PCDHGA12: variants seen among roughly 807,000 people sequenced by gnomAD.
The protein encoded by PCDHGA12 is protocadherin gamma subfamily A, 12.
Under a neutral mutation model 61.1 loss-of-function variants are expected in PCDHGA12, and 43 were observed. The observed-to-expected ratio is 0.70, with a 90% CI of 0.55 to 0.91. The LOEUF (loss-of-function observed/expected upper bound fraction) is 0.91, where lower values mean the gene tolerates loss of function less well. PCDHGA12 is among the 40% of genes least tolerant of loss of function. PCDHGA12 has a pLI of 0.00. For missense variants in PCDHGA12, 1,236 were observed against 1,227.7 expected, an observed-to-expected ratio of 1.01 and a Z score of -0.10; for synonymous variants, 520 against 542.9, an observed-to-expected ratio of 0.96 and a Z score of 0.59.
In PCDHGA12 at chr5:141,486,748, T is replaced by C; in HGVS notation, c.2425-8059T>C. ...TTCATGCTACTCGATCCTTTGACTA[T>C]GAGCAAACCCAGACACTGCAGTTTG... is the stretch of plus-strand genomic sequence containing the variant. On this transcript the variant is annotated intron_variant, in intron 1 of 3. Coordinates refer to ENST00000252085, the MANE Select transcript of PCDHGA12 (RefSeq NM_003735.3). The surrounding 1 kb of genome is among the most constrained non-coding windows in gnomAD (Gnocchi z 5.0). 6.2e-7 allele frequency: 1 copy of C among 1,614,230 alleles called. No individual in the cohort carries two copies. The highest frequency in any genetic ancestry group is 8.5e-7 in the Non-Finnish European group (1 of 1,180,042).
chr5:141,468,801 A>G (rs949203275), intron 1 of PCDHGA12, among the ~76,000 whole-genome samples: 15 of 151,736 alleles, frequency 9.9e-5, no homozygotes, highest in South Asian at 2.1e-4. Context: ...GGGAGGCGGA[A>G]CTTGCAGTGA....
At chr5:141,504,570 AC>A (rs1468526948) in intron 2 of PCDHGA12, among the ~76,000 whole-genome samples, 1 of 148,874 alleles carries the variant, frequency 6.7e-6, no homozygotes, top group Admixed American at 6.9e-5. Flanking sequence ...ATTCTAGGGA[AC>A]ACCATCTGCC....
intron 1 of PCDHGA12, among the ~76,000 whole-genome samples, chr5:141,473,267 C>G (rs1458810488): frequency 1.3e-5 from 2 of 152,248 alleles, no homozygotes; most frequent in African/African-American, 2.4e-5. Flanking sequence ...TTAGTGTATG[C>G]TATGATTATT....
At chr5:141,471,504 G>A (rs1487198851) in intron 1 of PCDHGA12, 1 of 152,214 alleles carries the variant, frequency 6.6e-6, no homozygotes, top group Non-Finnish European at 1.5e-5. Flanking sequence ...ATGCAAGAGA[G>A]GGAGTAAAAA....
At position 141,486,720 on chromosome 5, in the gene PCDHGA12, C is replaced by G; in HGVS notation, c.2425-8087C>G. ...ATCTCTCTGAACCCCCAGACAGGAG[C>G]TGTTCATGCTACTCGATCCTTTGAC... On this transcript the variant is annotated intron_variant, in intron 1 of 3. Coordinates refer to ENST00000252085, the MANE Select transcript of PCDHGA12 (RefSeq NM_003735.3). This position sits in a 1 kb window ranked among gnomAD's most constrained non-coding sequence, Gnocchi z 5.0. The G allele has an allele frequency of 6.2e-7, 1 of 1,614,216 alleles. No homozygotes were observed. Among genetic ancestry groups the G allele is most frequent in the Non-Finnish European group, 8.5e-7 (1 of 1,180,038 alleles).
At chr5:141,447,023 G>GT (rs5871773) in intron 1 of PCDHGA12, among the ~76,000 whole-genome samples, 28,105 of 151,474 alleles carry the variant, frequency 0.19, 2,731 homozygotes, top group African/African-American at 0.24. Context: ...GTTTTGTTTT[G>GT]TTTTTTTTCT....
chr5:141,494,153 G>T (rs2099752286), intron 1 of PCDHGA12, among the ~76,000 whole-genome samples: 1 of 152,186 alleles, frequency 6.6e-6, no homozygotes, highest in Non-Finnish European at 1.5e-5. Flanking sequence ...CCATTGTCTG[G>T]CACGGAGTTC....
intron 1 of PCDHGA12, among the ~76,000 whole-genome samples, chr5:141,482,899 T>C (rs1238389686): frequency 1.3e-5 from 2 of 152,076 alleles, no homozygotes; most frequent in Non-Finnish European, 2.9e-5. Context: ...TGGTGAAACC[T>C]CATCTCTATT....
intron 1 of PCDHGA12, among the ~76,000 whole-genome samples, chr5:141,453,623 T>C (rs1264665094): frequency 1.3e-5 from 2 of 152,238 alleles, no homozygotes; most frequent in Admixed American, 1.3e-4. Flanking sequence ...AAACAAAACC[T>C]ATACATATTT....
At chr5:141,510,028 C>A (rs962629835) in intron 3 of PCDHGA12, among the ~76,000 whole-genome samples, 1 of 152,164 alleles carries the variant, frequency 6.6e-6, no homozygotes, top group Non-Finnish European at 1.5e-5. Context: ...GCTGGCTGGG[C>A]TGTTATGTAG....
intron 1 of PCDHGA12, among the ~76,000 whole-genome samples, chr5:141,467,882 C>T (rs1278937609): frequency 6.6e-6 from 1 of 152,036 alleles, no homozygotes; most frequent in East Asian, 1.9e-4. Context: ...TGGTCTCAAA[C>T]TCCTGAGCTC....
rs1191643556 is a variant in PCDHGA12, at chr5:141,486,302, C to T, written c.2425-8505C>T. The T allele has an allele frequency of 2.5e-6, 4 of 1,613,918 alleles. No individual in the cohort carries two copies. The highest frequency in any genetic ancestry group is 3.4e-6 in the Non-Finnish European group (4 of 1,180,002). Reference sequence around the variant, plus strand: ...GGTGGCACTTATCAGTGTGCAGGATCCAGACTCAGGGTCAAACGGAGATGT... The same window carrying T: ...GGTGGCACTTATCAGTGTGCAGGATTCAGACTCAGGGTCAAACGGAGATGT... On this transcript the variant is annotated intron_variant, in intron 1 of 3. Coordinates refer to ENST00000252085, the MANE Select transcript of PCDHGA12 (RefSeq NM_003735.3). This position sits in a 1 kb window ranked among gnomAD's most constrained non-coding sequence, Gnocchi z 5.0.
chr5:141,495,005 CG>C (rs2099758180), intron 2 of PCDHGA12, 140 bp downstream of exon 2: 2 of 1,522,694 alleles, frequency 1.3e-6, no homozygotes, highest in African/African-American at 1.4e-5. Context: ...TCTTGGTGTG[CG>C]GGGGGCTGGC....
chr5:141,464,572 A>G (rs912710973), intron 1 of PCDHGA12, among the ~76,000 whole-genome samples: 5 of 152,148 alleles, frequency 3.3e-5, no homozygotes, highest in African/African-American at 1.2e-4. Flanking sequence ...CTACAAATAG[A>G]TGAGAATGTC....
chr5:141,502,655 C>T (rs72790073), intron 2 of PCDHGA12, among the ~76,000 whole-genome samples: 29,437 of 152,034 alleles, frequency 0.19, 2,877 homozygotes, highest in Middle Eastern at 0.24. Context: ...AGGCAGCAAC[C>T]CTTCATGCAA....
chr5:141,433,367 C>CTATA, intron 1 of PCDHGA12, 184 bp downstream of exon 1: 2 of 549,818 alleles, frequency 3.6e-6, no homozygotes, highest in South Asian at 4.5e-5. Flanking sequence ...GCCTATCTAT[C>CTATA]TATCTATCTA....
rs764729742 is a variant in PCDHGA12 at position 141,450,826 on chromosome 5, A to ATTT, written c.2424+17645_2424+17646insTTT. On this transcript the variant is annotated intron_variant, in intron 1 of 3. Coordinates refer to ENST00000252085, the MANE Select transcript of PCDHGA12 (RefSeq NM_003735.3). ...TATTTATTTATTTAATATTATTATT[A>ATTT]TTATTTTTTTTTTTTTGAGATGGGG... 5.5e-3 allele frequency among the ~76,000 whole-genome samples: 742 copies of ATTT among 134,318 alleles called. 10 individuals are homozygous for ATTT. The highest frequency in any genetic ancestry group is 0.013 in the Middle Eastern group (3 of 230). 88.1% of individuals were successfully genotyped at this position (134,318 alleles called of 152,430 possible).
At chr5:141,438,538 A>G (rs950527053) in intron 1 of PCDHGA12, among the ~76,000 whole-genome samples, 2 of 145,166 alleles carry the variant, frequency 1.4e-5, no homozygotes, top group African/African-American at 2.6e-5. Context: ...CTTTTCCTCT[A>G]TATCTAAGCC....
In PCDHGA12 at chr5:141,490,959, C is replaced by T. The variant is rs1385897960; in HGVS notation, c.2425-3848C>T. ...TGCACCCACGGCCAGACTGGGAACA[C>T]TCAGCCCCCCAGCGTCTCCCTCGCT... On this transcript the variant is annotated intron_variant, in intron 1 of 3. Transcript: ENST00000252085. The surrounding 1 kb of genome is among the most constrained non-coding windows in gnomAD (Gnocchi z 5.4). 6.2e-7 allele frequency: 1 copy of T among 1,613,844 alleles called. No individual in the cohort carries two copies. Among genetic ancestry groups the T allele is most frequent in the South Asian group, 1.1e-5 (1 of 91,038 alleles).
Sources: allele counts gnomAD v4.1 joint callset (sites outside exome capture counted in the v4.1 genomes callset), GRCh38; gene constraint gnomAD v4.1.1; non-coding constraint Gnocchi (gnomAD v3.1); transcripts MANE v1.5; gene names NCBI Gene and HGNC (gene_info 2026-07-23, HGNC 2026-07-21).